CRPPA: variants seen among roughly 807,000 people sequenced by gnomAD.
CRPPA encodes the protein D-ribitol-5-phosphate cytidylyltransferase.
In CRPPA, 43 loss-of-function variants were observed where a neutral mutation model predicts 52.0. The ratio of observed to expected loss-of-function variants is 0.83; its 90% CI spans 0.65 to 1.07. CRPPA has a LOEUF of 1.07. CRPPA is among the 50% of genes least tolerant of loss of function. The probability of loss-of-function intolerance (pLI) is 0.00; values close to 1 mark genes in which losing one functional copy is unlikely to be tolerated. For missense variants in CRPPA, 629 were observed against 551.7 expected (o/e 1.14, Z -1.40); for synonymous variants, 250 against 203.5 (o/e 1.23, Z -1.94).
At chr7:16,397,726 A>G (rs1787644813) in intron 2 of CRPPA, among the ~76,000 whole-genome samples, 1 of 152,204 alleles carries the variant, frequency 6.6e-6, no homozygotes, top group Non-Finnish European at 1.5e-5. Context: ...CCAACGTTTG[A>G]GACATGTGAC....
chr7:16,289,122 C>T (rs1784508213), intron 5 of CRPPA, among the ~76,000 whole-genome samples: 1 of 151,854 alleles, frequency 6.6e-6, no homozygotes, highest in Non-Finnish European at 1.5e-5. Context: ...TGTTAAATTC[C>T]AGGACACATA....
intron 3 of CRPPA, among the ~76,000 whole-genome samples, chr7:16,327,190 C>T (rs1456919001): frequency 1.3e-5 from 2 of 152,170 alleles, no homozygotes; most frequent in Non-Finnish European, 2.9e-5. Context: ...CTTCAACTCA[C>T]TCCAGGTAAA....
chr7:16,420,347 C>A (rs1054109723), intron 1 of CRPPA, among the ~76,000 whole-genome samples: 1 of 152,184 alleles, frequency 6.6e-6, no homozygotes, highest in African/African-American at 2.4e-5. Context: ...CACCTCATTA[C>A]TCAGTGCTAA....
chr7:16,314,154 G>A (rs542832957), intron 3 of CRPPA, among the ~76,000 whole-genome samples: 1 of 150,386 alleles, frequency 6.6e-6, no homozygotes, highest in Non-Finnish European at 1.5e-5. Context: ...AATTCTATTA[G>A]TTTTTGCCTC....
At chr7:16,388,778 A>G (rs1787362547) in intron 2 of CRPPA, among the ~76,000 whole-genome samples, 1 of 152,174 alleles carries the variant, frequency 6.6e-6, no homozygotes, top group Admixed American at 6.5e-5. Context: ...CGGGAGGGTG[A>G]GGCAGGGGAA....
At chr7:16,144,572 G>A (rs1300544930) in intron 9 of CRPPA, among the ~76,000 whole-genome samples, 1 of 152,212 alleles carries the variant, frequency 6.6e-6, no homozygotes, top group South Asian at 2.1e-4. Context: ...ATGGAATGTA[G>A]AGGAGTTTAT....
At chr7:16,176,158 C>A (rs1355801427) in intron 9 of CRPPA, among the ~76,000 whole-genome samples, 3 of 152,102 alleles carry the variant, frequency 2.0e-5, no homozygotes, top group Non-Finnish European at 4.4e-5. Flanking sequence ...CCCTTCAAAG[C>A]TACATTGTAT....
At chr7:16,184,715 C>G (rs1021916254) in intron 9 of CRPPA, among the ~76,000 whole-genome samples, 4 of 152,198 alleles carry the variant, frequency 2.6e-5, no homozygotes, top group African/African-American at 9.6e-5. Context: ...CCTCATCATA[C>G]TTCCTATAGG....
At chr7:16,203,772 C>A (rs1228786789) in intron 9 of CRPPA, among the ~76,000 whole-genome samples, 1 of 152,120 alleles carries the variant, frequency 6.6e-6, no homozygotes, top group Non-Finnish European at 1.5e-5. Flanking sequence ...ACTGATAAAC[C>A]AATTAGCTCA....
intron 6 of CRPPA, among the ~76,000 whole-genome samples, chr7:16,275,432 A>G (rs182417876): frequency 1.3e-5 from 2 of 152,306 alleles, no homozygotes; most frequent in South Asian, 4.1e-4. Context: ...AGGGAGGTGC[A>G]CTAGGAATAA....
intron 9 of CRPPA, among the ~76,000 whole-genome samples, chr7:16,116,549 C>T (rs537995485): frequency 3.4e-4 from 52 of 151,680 alleles, no homozygotes; most frequent in African/African-American, 1.2e-3. Flanking sequence ...CCTGTAATCC[C>T]AGCTACTTGG....
chr7:16,303,774 A>G (rs1784845530), intron 4 of CRPPA, among the ~76,000 whole-genome samples: 1 of 152,188 alleles, frequency 6.6e-6, no homozygotes, highest in African/African-American at 2.4e-5. Flanking sequence ...TTGAAATTAC[A>G]AAAACCAAAT....
chr7:16,197,486 C>T (rs1781764109), intron 9 of CRPPA, among the ~76,000 whole-genome samples: 1 of 151,896 alleles, frequency 6.6e-6, no homozygotes, highest in South Asian at 2.1e-4. Context: ...GACCGGTATG[C>T]ACTCCCATAC....
At chr7:16,365,079 C>T (rs532532968) in intron 3 of CRPPA, among the ~76,000 whole-genome samples, 1 of 152,290 alleles carries the variant, frequency 6.6e-6, no homozygotes, top group South Asian at 2.1e-4. Context: ...TGACTAACTG[C>T]TTGTGGGCCC....
chr7:16,410,509 T>A (rs942416204), intron 1 of CRPPA, among the ~76,000 whole-genome samples: 3 of 152,204 alleles, frequency 2.0e-5, no homozygotes, highest in Admixed American at 6.5e-5. Flanking sequence ...CGGTCATCTC[T>A]ACCATAATTT....
At chr7:16,199,069 T>C (rs1781795951) in intron 9 of CRPPA, among the ~76,000 whole-genome samples, 1 of 152,150 alleles carries the variant, frequency 6.6e-6, no homozygotes, top group African/African-American at 2.4e-5. Context: ...CCCTTTGTAA[T>C]TTTTTACTGG....
chr7:16,297,646 T>C (rs1784702349), intron 5 of CRPPA, among the ~76,000 whole-genome samples: 1 of 152,226 alleles, frequency 6.6e-6, no homozygotes, highest in Admixed American at 6.5e-5. Context: ...CTTAAAACCA[T>C]AATAAACAAT....
At chr7:16,333,951 C>T (rs1197283809) in intron 3 of CRPPA, among the ~76,000 whole-genome samples, 3 of 152,158 alleles carry the variant, frequency 2.0e-5, no homozygotes, top group African/African-American at 7.2e-5. Flanking sequence ...GAGTTGGTGG[C>T]AGACATCCAC....
chr7:16,258,822 T>C, intron 7 of CRPPA, 98 bp downstream of exon 7: 3 of 677,396 alleles, frequency 4.4e-6, no homozygotes, highest in Middle Eastern at 3.9e-4. Flanking sequence ...GTAGAAGAAC[T>C]CATCATAATA....
Sources: gnomAD v4.1 joint callset for allele counts (sites outside exome capture counted in the v4.1 genomes callset) on GRCh38, gnomAD v4.1.1 for gene constraint, MANE v1.5 for transcripts, NCBI Gene and HGNC (gene_info 2026-07-23, HGNC 2026-07-21) for gene names.